KCNAB2: variants seen among roughly 807,000 people sequenced by gnomAD.
KCNAB2 encodes potassium voltage-gated channel subfamily A regulatory beta subunit 2, also known as voltage-gated potassium channel subunit beta-2.
In KCNAB2, 29 loss-of-function variants were observed where a neutral mutation model predicts 63.6. That is an observed-to-expected ratio of 0.46 (90% CI 0.34 to 0.62). KCNAB2 has a LOEUF of 0.62. KCNAB2 is among the 20% of genes least tolerant of loss of function. The pLI is 0.01. For missense variants in KCNAB2, 359 were observed against 563.9 expected, an observed-to-expected ratio of 0.64 and a Z score of 3.68; for synonymous variants, 222 against 224.2, an observed-to-expected ratio of 0.99 and a Z score of 0.09.
intron 2 of KCNAB2, among the ~76,000 whole-genome samples, chr1:6,067,987 C>T (rs917135069): frequency 3.3e-5 from 5 of 152,146 alleles, no homozygotes; most frequent in African/African-American, 9.7e-5. Context: ...ACCAAGATCA[C>T]GCCACAGCAC....
chr1:6,089,458 G>T (rs573230675), intron 8 of KCNAB2, among the ~76,000 whole-genome samples: 1 of 152,250 alleles, frequency 6.6e-6, no homozygotes, highest in Non-Finnish European at 1.5e-5. Flanking sequence ...CTCAGCACTC[G>T]CAGGCACCGG....
intron 4 of KCNAB2, among the ~76,000 whole-genome samples, chr1:6,077,656 G>A (rs1663786952): frequency 6.6e-6 from 1 of 152,226 alleles, no homozygotes; most frequent in Non-Finnish European, 1.5e-5. Flanking sequence ...CTCCGGAGCG[G>A]AGAGCGCCGA....
At chr1:6,046,632 G>A (rs947371650) in intron 1 of KCNAB2, among the ~76,000 whole-genome samples, 2 of 152,268 alleles carry the variant, frequency 1.3e-5, no homozygotes, top group East Asian at 3.8e-4. Flanking sequence ...GGGGCTGCTT[G>A]TTTGGGCCTC....
intron 4 of KCNAB2, among the ~76,000 whole-genome samples, chr1:6,077,046 C>T (rs1480744134): frequency 4.6e-5 from 7 of 152,010 alleles, no homozygotes; most frequent in Admixed American, 2.0e-4. Context: ...ATTAGCGGGG[C>T]GTGGTGGCAG....
At chr1:5,992,891 T>C (rs1219593323) in intron 1 of KCNAB2, 1 of 152,126 alleles carries the variant, frequency 6.6e-6, no homozygotes, top group Non-Finnish European at 1.5e-5. Flanking sequence ...GGCGCCGCGG[T>C]CCCGTCTCCA....
upstream of KCNAB2, among the ~76,000 whole-genome samples, chr1:6,033,819 T>C (rs1659824593): frequency 6.6e-6 from 1 of 152,218 alleles, no homozygotes; most frequent in Non-Finnish European, 1.5e-5. Context: ...ATCTTGCTTC[T>C]CATTGCTCCG....
Position 6,072,808 on chromosome 1 carries a change from G to A in KCNAB2, c.262+10G>A. On this transcript the variant is annotated intron_variant, in intron 3 of 15. Transcript: ENST00000378083. The stretch of plus-strand genomic sequence containing the variant: ...TCCTGCCTGGGACTTGGTGAGTGTG[G>A]GGGTCCCCTCCGTCCCACCAGGGAA... The A allele has an allele frequency of 1.2e-6, 2 of 1,613,524 alleles. No homozygotes were observed. The highest frequency in any genetic ancestry group is 1.7e-6 in the Non-Finnish European group (2 of 1,179,594).
chr1:6,041,923 C>G (rs574163196), upstream of KCNAB2: 1 of 1,552,914 alleles, frequency 6.4e-7, no homozygotes, highest in African/African-American at 1.4e-5. Flanking sequence ...GGCCAGGGAG[C>G]GGGTGGGAGG....
At chr1:6,097,801 G>A in intron 15 of KCNAB2, 2 of 355,956 alleles carry the variant, frequency 5.6e-6, no homozygotes, top group Non-Finnish European at 5.1e-6. Flanking sequence ...CTGGAGCAGA[G>A]GGGCAGATCC....
At chr1:6,001,311 C>A (rs1027869394) in intron 1 of KCNAB2, among the ~76,000 whole-genome samples, 2 of 151,778 alleles carry the variant, frequency 1.3e-5, no homozygotes. Flanking sequence ...CACACACACA[C>A]ACACACACAC....
intron 1 of KCNAB2, among the ~76,000 whole-genome samples, chr1:6,016,311 T>C (rs1658496774): frequency 6.6e-6 from 1 of 152,188 alleles, no homozygotes; most frequent in Non-Finnish European, 1.5e-5. Context: ...AGGCCAGGGC[T>C]CAGGGAGGAC....
chr1:6,010,747 A>G (rs1039361575), intron 1 of KCNAB2, among the ~76,000 whole-genome samples: 1 of 152,218 alleles, frequency 6.6e-6, no homozygotes, highest in Non-Finnish European at 1.5e-5. Flanking sequence ...GCTGATGGGC[A>G]GGCTGGATGG....
chr1:6,054,148 G>T (rs1410940321), intron 2 of KCNAB2, among the ~76,000 whole-genome samples: 1 of 152,082 alleles, frequency 6.6e-6, no homozygotes, highest in Non-Finnish European at 1.5e-5. Context: ...AGACTAGAAT[G>T]GACCCTAATT....
intron 1 of KCNAB2, chr1:6,025,872 CCGGCACACAGCCGA>C (rs1659124122): frequency 7.7e-5 from 11 of 142,796 alleles, no homozygotes; most frequent in Admixed American, 7.2e-4. Context: ...ACAGCCGATC[CCGGCACACAGCCGA>C]TCCCGGCACA....
rs777613752 is a variant in KCNAB2 at position 6,098,565 on chromosome 1, C to G, written c.1239C>G (p.Tyr413Ter). ...LGNKPYSKKD[Y>*]RS is the part of the protein sequence containing the mutation. ...ATAAACCCTACAGCAAAAAGGACTA[C>G]AGATCCTAAGCCGCCCCCGCCCGCC... The change falls in exon 16 of 16, where the codon TAC (tyrosine) becomes TAG (stop). Residue 413 changes from tyrosine to a stop codon, truncating the protein, a stop_gained. Transcript: ENST00000378083. LOFTEE classifies it high-confidence loss of function. 1 of 1,613,934 alleles carries G rather than the reference C, an allele frequency of 6.2e-7. No individual in the cohort carries two copies.
chr1:6,098,112 T>C (rs1665802553), intron 15 of KCNAB2: 1 of 980,282 alleles, frequency 1.0e-6, no homozygotes, highest in Non-Finnish European at 1.2e-6. Context: ...TCCCCGGGTG[T>C]GTCACCCGGA....
intron 1 of KCNAB2, among the ~76,000 whole-genome samples, chr1:6,036,733 G>A (rs1173204953): frequency 6.6e-6 from 1 of 151,696 alleles, no homozygotes; most frequent in African/African-American, 2.4e-5. Context: ...GTGTCGCTGT[G>A]TGTGGAAGGT....
intron 2 of KCNAB2, among the ~76,000 whole-genome samples, chr1:6,058,415 G>C (rs1662024698): frequency 6.6e-6 from 1 of 152,180 alleles, no homozygotes; most frequent in Non-Finnish European, 1.5e-5. Context: ...CCGGCTACCT[G>C]TGTGACCTCA....
intron 2 of KCNAB2, among the ~76,000 whole-genome samples, chr1:6,058,998 C>A (rs6662300): frequency 0.051 from 7,768 of 152,170 alleles, 626 homozygotes; most frequent in African/African-American, 0.18. Context: ...GCCTCTCCAG[C>A]CCCAGCTTCC....
Sources: allele counts gnomAD v4.1 joint callset (sites outside exome capture counted in the v4.1 genomes callset), GRCh38; gene constraint gnomAD v4.1.1; transcripts MANE v1.5; gene names NCBI Gene and HGNC (gene_info 2026-07-23, HGNC 2026-07-21).